The following RBFOX3 variants were observed in gnomAD, a reference collection of about 807,000 sequenced individuals.
RBFOX3 encodes RNA binding fox-1 homolog 3.
In RBFOX3, 17 loss-of-function variants were observed where a neutral mutation model predicts 48.7. The observed-to-expected ratio is 0.35, with a 90% CI of 0.24 to 0.52. RBFOX3 has a LOEUF of 0.52. Among genes scored for constraint, RBFOX3 ranks in the 20% least tolerant of loss-of-function variants. The pLI is 0.94. For missense variants in RBFOX3, 382 were observed against 497.5 expected, an observed-to-expected ratio of 0.77 and a Z score of 2.21; for synonymous variants, 212 against 209.5, an observed-to-expected ratio of 1.01 and a Z score of -0.10.
At chr17:79,500,015 GA>G (rs1233092007) in intron 1 of RBFOX3, among the ~76,000 whole-genome samples, 2 of 152,168 alleles carry the variant, frequency 1.3e-5, no homozygotes, top group Non-Finnish European at 2.9e-5. Flanking sequence ...AAGAGATGGT[GA>G]GCCATTTCCA....
At chr17:79,350,661 G>T (rs976328952) in intron 2 of RBFOX3, among the ~76,000 whole-genome samples, 5 of 152,208 alleles carry the variant, frequency 3.3e-5, no homozygotes, top group Admixed American at 2.0e-4. Context: ...AAGCAAGAAT[G>T]ACCACGGCTC....
intron 1 of RBFOX3, among the ~76,000 whole-genome samples, chr17:79,545,048 T>C (rs1328817411): frequency 6.6e-6 from 1 of 150,772 alleles, no homozygotes; most frequent in East Asian, 1.9e-4. Context: ...CTTCTTGTTC[T>C]AGAAAAACAA....
At chr17:79,545,418 C>T (rs1174901158) in intron 1 of RBFOX3, among the ~76,000 whole-genome samples, 2 of 152,136 alleles carry the variant, frequency 1.3e-5, no homozygotes, top group Admixed American at 1.3e-4. Context: ...AGGAGCCGGC[C>T]ACAGGGTCCC....
intron 3 of RBFOX3, among the ~76,000 whole-genome samples, chr17:79,304,491 C>T (rs1052197212): frequency 3.3e-5 from 5 of 150,078 alleles, no homozygotes; most frequent in Non-Finnish European, 7.4e-5. Context: ...GAAGGATTTT[C>T]ATACTCTTAT....
intron 4 of RBFOX3, among the ~76,000 whole-genome samples, chr17:79,172,137 G>A (rs537502151): frequency 7.7e-6 from 1 of 130,404 alleles, no homozygotes; most frequent in African/African-American, 2.9e-5. Flanking sequence ...TTACACCACT[G>A]CACTCCAGCC....
chr17:79,493,392 C>A lies in RBFOX3; in HGVS notation c.-319-10794G>T, dbSNP rs933589580. 1.8e-4 allele frequency among the ~76,000 whole-genome samples: 27 copies of A among 152,140 alleles called. 1 individual carries two copies. The highest frequency in any genetic ancestry group is 2.9e-5 in the Non-Finnish European group (2 of 68,028). ...ATCAAGAGCATTTCCAGAAGGAGAG[C>A]GTCAGATGCTACAAAGGCACAGCAG... is the stretch of plus-strand genomic sequence containing the variant. On this transcript the variant is annotated intron_variant, in intron 1 of 14. Transcript: ENST00000693108.
At chr17:79,446,426 C>G (rs1245240427) in intron 2 of RBFOX3, among the ~76,000 whole-genome samples, 1 of 152,188 alleles carries the variant, frequency 6.6e-6, no homozygotes, top group African/African-American at 2.4e-5. Context: ...TCCCTCCACC[C>G]CTATTGAGGC....
At chr17:79,414,071 T>C (rs757130270) in intron 2 of RBFOX3, among the ~76,000 whole-genome samples, 1 of 152,112 alleles carries the variant, frequency 6.6e-6, no homozygotes, top group Non-Finnish European at 1.5e-5. Context: ...CCAGCTCGGC[T>C]GGCCTCGGCC....
At chr17:79,614,452 G>T (rs1447728855), upstream of RBFOX3, among the ~76,000 whole-genome samples, 1 of 140,760 alleles carries the variant, frequency 7.1e-6, no homozygotes, top group East Asian at 2.0e-4. Context: ...CCCACTCCCT[G>T]CTCGGAGCTG....
chr17:79,097,165 C>T, intron 11 of RBFOX3, 127 bp downstream of exon 11: 1 of 846,164 alleles, frequency 1.2e-6, no homozygotes, highest in Non-Finnish European at 1.8e-6. Flanking sequence ...CTGGGGCTCC[C>T]ACGATCCTCC....
chr17:79,224,525 G>A (rs979680589), intron 4 of RBFOX3, among the ~76,000 whole-genome samples: 1 of 152,184 alleles, frequency 6.6e-6, no homozygotes. Flanking sequence ...AACATCCCCT[G>A]GCCCATAGCT....
chr17:79,106,838 C>A, intron 5 of RBFOX3, 50 bp from the exon 6 acceptor site: 3 of 1,471,982 alleles, frequency 2.0e-6, no homozygotes, highest in Non-Finnish European at 2.7e-6. Flanking sequence ...TGCGGGGTTG[C>A]CCATCCCCTC....
At chr17:79,514,439 C>T (rs890055535) in intron 1 of RBFOX3, among the ~76,000 whole-genome samples, 16 of 152,376 alleles carry the variant, frequency 1.1e-4, no homozygotes, top group African/African-American at 3.6e-4. Context: ...TCTAGAACCA[C>T]CACATTCACA....
rs72846878 is a variant in RBFOX3 at position 79,267,262 on chromosome 17, C to T, written c.-73-31457G>A. Among the ~76,000 whole-genome samples the T allele has an allele frequency of 7.8e-3, 1,189 of 152,262 alleles. 7 individuals carry two copies. Among genetic ancestry groups the T allele is most frequent in the Non-Finnish European group, 0.013 (912 of 68,006 alleles). On this transcript the variant is annotated intron_variant, in intron 3 of 14. Transcript: ENST00000693108. ...TCGGTTGGGGAGTCATACTCTTTGG[C>T]GGGTCGCTGAAACTTTAGGGCCTTC...
At chr17:79,467,845 C>T (rs1484703306) in intron 2 of RBFOX3, among the ~76,000 whole-genome samples, 7 of 152,150 alleles carry the variant, frequency 4.6e-5, no homozygotes, top group South Asian at 2.1e-4. Context: ...GCAAGGCCTC[C>T]GGGAAGTTGG....
chr17:79,155,120 C>T (rs1020289054), intron 4 of RBFOX3, among the ~76,000 whole-genome samples: 1 of 152,266 alleles, frequency 6.6e-6, no homozygotes, highest in Non-Finnish European at 1.5e-5. Flanking sequence ...GCAGCAGCAG[C>T]TCCCGCCTAA....
intron 4 of RBFOX3, among the ~76,000 whole-genome samples, chr17:79,143,469 C>T (rs887221826): frequency 2.6e-5 from 4 of 152,138 alleles, no homozygotes; most frequent in African/African-American, 4.8e-5. Flanking sequence ...CTCCCTGCTG[C>T]CCCCACAGCT....
At chr17:79,231,826 C>A (rs2061068326) in intron 4 of RBFOX3, among the ~76,000 whole-genome samples, 1 of 152,166 alleles carries the variant, frequency 6.6e-6, no homozygotes, top group South Asian at 2.1e-4. Flanking sequence ...GTTTATGAGT[C>A]AGAAGGCCCA....
intron 4 of RBFOX3, among the ~76,000 whole-genome samples, chr17:79,187,596 G>T (rs2053673179): frequency 6.6e-6 from 1 of 152,180 alleles, no homozygotes; most frequent in Admixed American, 6.5e-5. Context: ...GGTGGGGTGG[G>T]CATGGCTCAG....
Sources: gnomAD v4.1 joint callset for allele counts (sites outside exome capture counted in the v4.1 genomes callset) on GRCh38, gnomAD v4.1.1 for gene constraint, MANE v1.5 for transcripts, NCBI Gene and HGNC (gene_info 2026-07-23, HGNC 2026-07-21) for gene names.